Variants in GRM1 observed in about 807,000 individuals in gnomAD.
GRM1 encodes glutamate metabotropic receptor 1, also known as metabotropic glutamate receptor 1.
In GRM1, 33 loss-of-function variants were observed where a neutral mutation model predicts 90.9. The observed-to-expected ratio is 0.36, with a 90% confidence interval of 0.28 to 0.49. The LOEUF (loss-of-function observed/expected upper bound fraction) is 0.49, where lower values mean the gene tolerates loss of function less well. Ranked by LOEUF, GRM1 falls within the 20% of genes least tolerant of loss-of-function variation. The pLI, the probability that GRM1 is intolerant of heterozygous loss-of-function variation, is 0.99. For missense variants in GRM1, 1,190 were observed against 1,534.3 expected, an observed-to-expected ratio of 0.78 and a Z score of 3.75; for synonymous variants, 700 against 613.2, an observed-to-expected ratio of 1.14 and a Z score of -2.09.
chr6:146,222,308 A>C (rs2114679238), intron 2 of GRM1, among the ~76,000 whole-genome samples: 1 of 152,262 alleles, frequency 6.6e-6, no homozygotes, highest in South Asian at 2.1e-4. Flanking sequence ...TAATGATGGA[A>C]ACAGGCATTA....
intron 3 of GRM1, among the ~76,000 whole-genome samples, chr6:146,326,960 AT>A (rs1784419707): frequency 6.6e-6 from 1 of 152,196 alleles, no homozygotes; most frequent in African/African-American, 2.4e-5. Context: ...TAAACTTTTA[AT>A]TTTAGAAAAG....
chr6:146,342,017 T>G (rs1784999244), intron 3 of GRM1, among the ~76,000 whole-genome samples: 1 of 152,182 alleles, frequency 6.6e-6, no homozygotes, highest in Admixed American at 6.5e-5. Flanking sequence ...ACTTGAAACT[T>G]TTTAAGTGCA....
At chr6:146,063,277 AT>A (rs1213098728) in intron 1 of GRM1, among the ~76,000 whole-genome samples, 2 of 152,162 alleles carry the variant, frequency 1.3e-5, no homozygotes, top group African/African-American at 4.8e-5. Context: ...TAACGGGAAA[AT>A]TTTTTGAAAT....
At chr6:146,076,479 T>A (rs1439587635) in intron 1 of GRM1, among the ~76,000 whole-genome samples, 3 of 152,048 alleles carry the variant, frequency 2.0e-5, no homozygotes. Flanking sequence ...AGTTACTGGA[T>A]GGATTCTGGG....
intron 6 of GRM1, among the ~76,000 whole-genome samples, chr6:146,397,806 G>T (rs369271174): frequency 2.0e-4 from 31 of 152,294 alleles, no homozygotes; most frequent in East Asian, 1.9e-3. Flanking sequence ...GTTCACTGAG[G>T]CAAGTTGTTG....
intron 1 of GRM1, among the ~76,000 whole-genome samples, chr6:146,111,548 G>C (rs967281133): frequency 1.3e-4 from 20 of 152,194 alleles, no homozygotes; most frequent in African/African-American, 4.3e-4. Flanking sequence ...GTTGTAGAAG[G>C]CCTCTCTTTG....
intron 1 of GRM1, among the ~76,000 whole-genome samples, chr6:146,053,475 T>C (rs1352061931): frequency 6.6e-6 from 1 of 152,236 alleles, no homozygotes; most frequent in Middle Eastern, 3.4e-3. Flanking sequence ...ACTTAGAGGC[T>C]GAAGGGATTT....
chr6:146,350,577 C>A (rs1274865600), intron 3 of GRM1, among the ~76,000 whole-genome samples: 1 of 151,896 alleles, frequency 6.6e-6, no homozygotes, highest in East Asian at 1.9e-4. Context: ...AGTTATCAGG[C>A]AGATGGCACA....
chr6:146,227,035 CTCAGTGTTTTA>C lies in GRM1; in HGVS notation c.950+67440_950+67450del, dbSNP rs1780264149. ...AGACATTTTAATAGAATAAGATTAT[CTCAGTGTTTTA>C]TTAATTTTATTATATCATTTCACTA... On this transcript the variant is annotated intron_variant, in intron 2 of 7. Transcript: ENST00000282753. Among the ~76,000 whole-genome samples, 3 of 152,158 alleles carry C rather than the reference CTCAGTGTTTTA, an allele frequency of 2.0e-5. No individual in the cohort carries two copies. In the South Asian group the frequency reaches 6.3e-4, roughly 32 times the overall value.
chr6:146,346,034 A>G (rs1391861939), intron 3 of GRM1, among the ~76,000 whole-genome samples: 1 of 152,248 alleles, frequency 6.6e-6, no homozygotes, highest in African/African-American at 2.4e-5. Flanking sequence ...ATAGAAACAA[A>G]GAGCCCCACA....
At chr6:146,285,400 T>C (rs1015723214) in intron 2 of GRM1, among the ~76,000 whole-genome samples, 1 of 152,200 alleles carries the variant, frequency 6.6e-6, no homozygotes, top group Non-Finnish European at 1.5e-5. Context: ...GTCTACTGTC[T>C]CAGAGTGACA....
At chr6:146,069,906 G>A (rs750413256) in intron 1 of GRM1, among the ~76,000 whole-genome samples, 1 of 152,028 alleles carries the variant, frequency 6.6e-6, no homozygotes, top group Non-Finnish European at 1.5e-5. Context: ...AAGAAATTGA[G>A]CATTAGATAG....
At position 146,322,574 on chromosome 6, in the gene GRM1, CTTTTATTTTATTTTA is replaced by C. The variant is rs59946587; in HGVS notation, c.1186+17751_1186+17765del. ...GCACCTGACTGGGGCTGCTGCCTTT[CTTTTATTTTATTTTA>C]TTTTATTTTATTTTATTTTATTATT... On this transcript the variant is annotated intron_variant, in intron 3 of 7. Coordinates refer to ENST00000282753, the MANE Select transcript of GRM1 (RefSeq NM_001278064.2). Among the ~76,000 whole-genome samples the C allele has an allele frequency of 6.9e-3, 1,006 of 144,962 alleles. 5 individuals are homozygous for C. Among genetic ancestry groups the C allele is most frequent in the Non-Finnish European group, 7.4e-3 (495 of 66,894 alleles).
intron 5 of GRM1, among the ~76,000 whole-genome samples, chr6:146,360,009 C>A (rs1398096135): frequency 6.6e-6 from 1 of 151,952 alleles, no homozygotes; most frequent in Non-Finnish European, 1.5e-5. Context: ...TCGTATTTAC[C>A]AAATAATATT....
chr6:146,433,446 T>C (rs1284177137), intron 7 of GRM1, among the ~76,000 whole-genome samples: 1 of 152,104 alleles, frequency 6.6e-6, no homozygotes, highest in African/African-American at 2.4e-5. Context: ...CCAAGGACAA[T>C]AGCCATTATT....
At chr6:146,196,529 T>G (rs1779129884) in intron 2 of GRM1, among the ~76,000 whole-genome samples, 1 of 147,040 alleles carries the variant, frequency 6.8e-6, no homozygotes, top group Non-Finnish European at 1.5e-5. Flanking sequence ...ATGGTCTCGA[T>G]CTCCTGACCT....
intron 7 of GRM1, among the ~76,000 whole-genome samples, chr6:146,424,953 G>C (rs576431555): frequency 5.3e-5 from 8 of 152,142 alleles, no homozygotes; most frequent in African/African-American, 1.9e-4. Context: ...TTTTGATTTC[G>C]AGTAGGCATC....
chr6:146,364,766 CTCT>C (rs1318078630), intron 5 of GRM1, among the ~76,000 whole-genome samples: 1 of 146,816 alleles, frequency 6.8e-6, no homozygotes, highest in Non-Finnish European at 1.5e-5. Flanking sequence ...GTCTTTCTCC[CTCT>C]TCTTCTATTT....
chr6:146,244,595 C>T (rs944296584), intron 2 of GRM1, among the ~76,000 whole-genome samples: 11 of 152,196 alleles, frequency 7.2e-5, no homozygotes, highest in African/African-American at 2.7e-4. Flanking sequence ...TCTATTCCAG[C>T]TACTTCATTG....
Sources: gnomAD v4.1 joint callset for allele counts (sites outside exome capture counted in the v4.1 genomes callset) on GRCh38, gnomAD v4.1.1 for gene constraint, MANE v1.5 for transcripts, NCBI Gene and HGNC (gene_info 2026-07-23, HGNC 2026-07-21) for gene names.